The following FAM241A variants were observed in gnomAD, a reference collection of about 807,000 sequenced individuals.
The protein encoded by FAM241A is uncharacterized protein FAM241A.
In FAM241A, 7 loss-of-function variants were observed where a neutral mutation model predicts 12.2. The observed-to-expected ratio is 0.58, with a 90% CI of 0.33 to 1.08. FAM241A has a LOEUF of 1.08. FAM241A is among the 50% of genes least tolerant of loss of function. The probability of loss-of-function intolerance (pLI) is 0.04; values close to 1 mark genes in which losing one functional copy is unlikely to be tolerated. For missense variants in FAM241A, 161 were observed against 169.7 expected (o/e 0.95, Z 0.29); for synonymous variants, 74 against 68.2 (o/e 1.08, Z -0.42).
intron 1 of FAM241A, among the ~76,000 whole-genome samples, chr4:112,162,328 A>G (rs1464671234): frequency 6.6e-6 from 1 of 152,172 alleles, no homozygotes; most frequent in Non-Finnish European, 1.5e-5. Flanking sequence ...GGCAGGAGAA[A>G]GAAATAAAGG....
intron 1 of FAM241A, among the ~76,000 whole-genome samples, chr4:112,185,399 A>C (rs1470701288): frequency 6.6e-6 from 1 of 152,192 alleles, no homozygotes; most frequent in African/African-American, 2.4e-5. Context: ...TCAGACTCCA[A>C]CTTCACCCCT....
chr4:112,158,124 AT>A (rs1228744277), intron 1 of FAM241A, among the ~76,000 whole-genome samples: 1 of 152,000 alleles, frequency 6.6e-6, no homozygotes, highest in Non-Finnish European at 1.5e-5. Flanking sequence ...ATTTATTATT[AT>A]GGTTTATTTA....
At chr4:112,172,582 A>G (rs1723746211) in intron 1 of FAM241A, among the ~76,000 whole-genome samples, 1 of 152,188 alleles carries the variant, frequency 6.6e-6, no homozygotes, top group African/African-American at 2.4e-5. Flanking sequence ...ACCTTTTTTG[A>G]ACTAAATGCC....
chr4:112,158,230 A>G (rs1051461347), intron 1 of FAM241A, among the ~76,000 whole-genome samples: 8 of 152,114 alleles, frequency 5.3e-5, no homozygotes, highest in African/African-American at 1.9e-4. Flanking sequence ...TTGGAAATCA[A>G]AGTCTTTGGG....
At chr4:112,154,674 T>A (rs1165153114) in intron 1 of FAM241A, among the ~76,000 whole-genome samples, 1 of 152,168 alleles carries the variant, frequency 6.6e-6, no homozygotes, top group African/African-American at 2.4e-5. Context: ...ATATTTTTTT[T>A]TAAAAAAGTA....
rs570839048 is a variant in FAM241A at position 112,165,976 on chromosome 4, AT to A, written c.153+20246del. On this transcript the variant is annotated intron_variant, in intron 1 of 1. Coordinates refer to ENST00000309733, the MANE Select transcript of FAM241A (RefSeq NM_152400.3). ...ATACCCCATTTTCCATGATGTGCTT[AT>A]TTCACATTGTATACCTGTATCAAAA... Among the ~76,000 whole-genome samples the A allele has an allele frequency of 4.7e-4, 72 of 152,090 alleles. 1 individual carries two copies. The highest frequency in any genetic ancestry group is 3.4e-3 in the Middle Eastern group (1 of 294).
intron 1 of FAM241A, among the ~76,000 whole-genome samples, chr4:112,161,418 A>G (rs2068668919): frequency 6.6e-6 from 1 of 152,194 alleles, no homozygotes; most frequent in South Asian, 2.1e-4. Flanking sequence ...TGCTAGCAAG[A>G]CCAATAAAGA....
chr4:112,151,482 C>G (rs1723243903), intron 1 of FAM241A, among the ~76,000 whole-genome samples: 1 of 152,174 alleles, frequency 6.6e-6, no homozygotes, highest in Non-Finnish European at 1.5e-5. Flanking sequence ...TATTCCTCAA[C>G]TTCAGTGTGC....
At chr4:112,180,565 T>C (rs1478759169) in intron 1 of FAM241A, among the ~76,000 whole-genome samples, 1 of 152,180 alleles carries the variant, frequency 6.6e-6, no homozygotes, top group East Asian at 1.9e-4. Flanking sequence ...GGTTTTTGTT[T>C]TTCAGTTCAT....
rs1041811074 is a variant in FAM241A at position 112,145,462 on chromosome 4, G to A, written c.-119G>A. 6 of 1,025,634 alleles carry A rather than the reference G, an allele frequency of 5.9e-6. No homozygotes were observed. In the African/African-American group the frequency reaches 7.0e-5, roughly 12 times the overall value. The allele number at this position is 1,025,634 out of a possible 1,614,324, so 63.5% of individuals were successfully genotyped here. On this transcript the variant is annotated 5_prime_UTR_variant, in exon 1 of 2. Transcript: ENST00000309733. ...CCAGGCCGGCGGGGCGCGCTCCGGCGGCTCCTGTCAGCGGCGGGTGCGGCG... is the reference window on the plus strand; with the variant it reads ...CCAGGCCGGCGGGGCGCGCTCCGGCAGCTCCTGTCAGCGGCGGGTGCGGCG...
rs761282088 is a variant in FAM241A, at chr4:112,187,770, T to A, written c.*832T>A. On this transcript the variant is annotated 3_prime_UTR_variant, in exon 2 of 2. Coordinates refer to ENST00000309733, the MANE Select transcript of FAM241A (RefSeq NM_152400.3). ...CCTAGAGAGACATTTTCAGTGTATT[T>A]TTTTTTAGAAATTTATAATTTTATA... 10 of 152,492 alleles carry A rather than the reference T, an allele frequency of 6.6e-5. No individual in the cohort carries two copies. Among genetic ancestry groups the A allele is most frequent in the Non-Finnish European group, 1.2e-4 (8 of 67,974 alleles). The allele number at this position is 152,492 out of a possible 1,614,324, so 9.4% of individuals were successfully genotyped here.
rs1724105934 is a variant in FAM241A at position 112,189,102 on chromosome 4, T to G, written c.*2164T>G. 1 of 152,084 alleles carries G rather than the reference T, an allele frequency of 6.6e-6. No individual in the cohort carries two copies. Among genetic ancestry groups the G allele is most frequent in the African/African-American group, 2.4e-5 (1 of 41,418 alleles). The allele number at this position is 152,084 out of a possible 1,614,324, so 9.4% of individuals were successfully genotyped here. A position where few individuals can be genotyped will look rare whatever the true frequency, so the allele number is the denominator to read the frequency against. ...TGGTTCATGGTATAAAGAATTAGAT[T>G]GGGCCGGGCGCGGTGGCTCACGCCT... On this transcript the variant is annotated 3_prime_UTR_variant, in exon 2 of 2. Coordinates refer to ENST00000309733, the MANE Select transcript of FAM241A (RefSeq NM_152400.3).
At chr4:112,170,102 ATTC>A (rs756335007) in intron 1 of FAM241A, among the ~76,000 whole-genome samples, 2 of 152,162 alleles carry the variant, frequency 1.3e-5, no homozygotes, top group African/African-American at 2.4e-5. Context: ...TCTTTCTGTC[ATTC>A]TTCTTCCTTC....
chr4:112,152,510 A>C (rs952230782), intron 1 of FAM241A, among the ~76,000 whole-genome samples: 2 of 152,160 alleles, frequency 1.3e-5, no homozygotes, highest in African/African-American at 4.8e-5. Flanking sequence ...CAGAATTTCA[A>C]ACTTTTCTCT....
At chr4:112,148,180 A>AT (rs1035853585) in intron 1 of FAM241A, among the ~76,000 whole-genome samples, 5 of 151,958 alleles carry the variant, frequency 3.3e-5, no homozygotes, top group African/African-American at 9.7e-5. Context: ...TTCTTGGGCT[A>AT]TTTCTCAAGC....
chr4:112,187,233 A>G lies in FAM241A; in HGVS notation c.*295A>G, dbSNP rs1262426159. The G allele has an allele frequency of 7.5e-6, 2 of 265,224 alleles. No individual in the cohort carries two copies. Among genetic ancestry groups the G allele is most frequent in the Non-Finnish European group, 1.4e-5 (2 of 141,612 alleles). The allele number at this position is 265,224 out of a possible 1,614,324, so 16.4% of individuals were successfully genotyped here. ...GCCAAATCTTAAGTAACACCACCAG[A>G]AAGTGAACAGGGAAAATAACAGGAC... On this transcript the variant is annotated 3_prime_UTR_variant, in exon 2 of 2. Coordinates refer to ENST00000309733, the MANE Select transcript of FAM241A (RefSeq NM_152400.3).
rs1180857479 is a variant in FAM241A at position 112,191,704 on chromosome 4, C to T, written c.*4766C>T. On this transcript the variant is annotated 3_prime_UTR_variant, in exon 2 of 2. Transcript: ENST00000309733. ...GACATCATGTCCTCCAGGGAAACTT[C>T]TCTGACTCCTTTAAATCCAGTTTTG... 1 of 152,234 alleles carries T rather than the reference C, an allele frequency of 6.6e-6. No homozygotes were observed. Among genetic ancestry groups the T allele is most frequent in the East Asian group, 1.9e-4 (1 of 5,192 alleles). 9.4% of individuals were successfully genotyped at this position (152,234 alleles called of 1,614,324 possible).
intron 1 of FAM241A, among the ~76,000 whole-genome samples, chr4:112,179,488 C>T (rs1723885692): frequency 6.6e-6 from 1 of 151,568 alleles, no homozygotes; most frequent in Non-Finnish European, 1.5e-5. Context: ...TGTTCTCACT[C>T]ATAGGTGGGA....
Position 112,188,986 on chromosome 4 carries a change from G to C in FAM241A, c.*2048G>C, listed in dbSNP as rs1395580573. 1.3e-5 allele frequency: 2 copies of C among 152,036 alleles called. No individual in the cohort carries two copies. The highest frequency in any genetic ancestry group is 4.8e-5 in the African/African-American group (2 of 41,398). The allele number at this position is 152,036 out of a possible 1,614,324, so 9.4% of individuals were successfully genotyped here. ...TTTGATATGGGAAAAAACAAACTTT[G>C]CCTATGTAATGGAAATAAAATATTT... On this transcript the variant is annotated 3_prime_UTR_variant, in exon 2 of 2. Transcript: ENST00000309733.
Sources: gnomAD v4.1 joint callset for allele counts (sites outside exome capture counted in the v4.1 genomes callset) on GRCh38, gnomAD v4.1.1 for gene constraint, MANE v1.5 for transcripts, NCBI Gene and HGNC (gene_info 2026-07-23, HGNC 2026-07-21) for gene names.